The following COLEC11 variants were observed in gnomAD, a reference collection of about 807,000 sequenced individuals.
COLEC11 encodes the protein collectin subfamily member 11.
Under a neutral mutation model 27.3 loss-of-function variants are expected in COLEC11, and 20 were observed. That is an observed-to-expected ratio of 0.73 (90% confidence interval 0.51 to 1.06). The LOEUF (loss-of-function observed/expected upper bound fraction) is 1.06, where lower values mean the gene tolerates loss of function less well. Among genes scored for constraint, COLEC11 ranks in the 50% least tolerant of loss-of-function variants. COLEC11 has a pLI of 0.00. For synonymous variants in COLEC11, 163 were observed against 154.7 expected, an observed-to-expected ratio of 1.05 and a Z score of -0.40; for missense variants, 310 against 383.0, an observed-to-expected ratio of 0.81 and a Z score of 1.59.
intron 2 of COLEC11, chr2:3,605,817 C>T (rs546798436): frequency 4.1e-5 from 15 of 361,698 alleles, no homozygotes; most frequent in Non-Finnish European, 7.2e-5. Flanking sequence ...AAGGTCAGCC[C>T]TCTCCCGGGG....
At position 3,644,160 on chromosome 2, in the gene COLEC11, T is replaced by C; in HGVS notation, c.*42T>C. The C allele has an allele frequency of 3.1e-6, 5 of 1,600,562 alleles. No individual in the cohort carries two copies. The highest frequency in any genetic ancestry group is 4.2e-6 in the Non-Finnish European group (5 of 1,179,706). On this transcript the variant is annotated 3_prime_UTR_variant, in exon 7 of 7. Coordinates refer to ENST00000349077, the MANE Select transcript of COLEC11 (RefSeq NM_024027.5). The stretch of plus-strand genomic sequence containing the variant: ...GCCCATTGGGGGCCCCACATGTCCC[T>C]GCAGGGTTGGCAGGGACAGAGCCCA...
intron 6 of COLEC11, 61 bp downstream of exon 6, chr2:3,643,600 C>T (rs1666040422): frequency 6.3e-7 from 1 of 1,596,990 alleles, no homozygotes; most frequent in African/African-American, 1.3e-5. Context: ...CCTGAGCCCC[C>T]CGGCAAGGGC....
At chr2:3,610,322 G>A (rs1663089788) in intron 2 of COLEC11, among the ~76,000 whole-genome samples, 1 of 152,214 alleles carries the variant, frequency 6.6e-6, no homozygotes, top group South Asian at 2.1e-4. Context: ...AGCAGTATGA[G>A]AAGAGCTGGC....
chr2:3,626,433 G>A (rs1664560689), intron 3 of COLEC11, among the ~76,000 whole-genome samples: 1 of 151,856 alleles, frequency 6.6e-6, no homozygotes, highest in Admixed American at 6.6e-5. Flanking sequence ...GGGGGGTGGG[G>A]GGTGGGGATC....
intron 3 of COLEC11, among the ~76,000 whole-genome samples, chr2:3,631,786 C>T (rs1337697003): frequency 1.3e-5 from 2 of 152,188 alleles, no homozygotes; most frequent in Non-Finnish European, 2.9e-5. Context: ...GCTTTGCACA[C>T]TCTGGTCTCT....
At chr2:3,629,200 A>G (rs1030597945) in intron 3 of COLEC11, among the ~76,000 whole-genome samples, 1 of 152,234 alleles carries the variant, frequency 6.6e-6, no homozygotes. Flanking sequence ...AGTTGAAATA[A>G]GTCAGCTACA....
At chr2:3,634,797 GAGCACTCTGGC>G (rs1665264305) in intron 3 of COLEC11, among the ~76,000 whole-genome samples, 2 of 151,988 alleles carry the variant, frequency 1.3e-5, no homozygotes, top group African/African-American at 4.8e-5. Context: ...GCAACGCACT[GAGCACTCTGGC>G]AGGGCCCCCT....
intron 1 of COLEC11, among the ~76,000 whole-genome samples, chr2:3,601,559 G>C (rs1662220581): frequency 6.6e-6 from 1 of 152,186 alleles, no homozygotes; most frequent in African/African-American, 2.4e-5. Flanking sequence ...CTTCCAAAGT[G>C]CTGGGATTAC....
chr2:3,641,272 G>A, intron 5 of COLEC11: 1 of 1,304,222 alleles, frequency 7.7e-7, no homozygotes, highest in South Asian at 1.2e-5. Flanking sequence ...AGGAGGAACG[G>A]CTGCTTGGAA....
In COLEC11 at chr2:3,606,010, A is replaced by T. The variant is rs898129088; in HGVS notation, c.130+1540A>T. 3.4e-6 allele frequency: 5 copies of T among 1,479,120 alleles called. No homozygotes were observed. In the Admixed American group the frequency reaches 8.7e-5, roughly 26 times the overall value. The allele number at this position is 1,479,120 out of a possible 1,614,324, so 91.6% of individuals were successfully genotyped here. A position where few individuals can be genotyped will look rare whatever the true frequency, so the allele number is the denominator to read the frequency against. ...TACCTGCTTTAGAAAATGTTTAATTATGTTGGAAGCAACTTAAACTGTTGG... is the reference window on the plus strand; with the variant it reads ...TACCTGCTTTAGAAAATGTTTAATTTTGTTGGAAGCAACTTAAACTGTTGG... On this transcript the variant is annotated intron_variant, in intron 2 of 6. Coordinates refer to ENST00000349077, the MANE Select transcript of COLEC11 (RefSeq NM_024027.5).
At chr2:3,642,310 C>G (rs546393092) in intron 5 of COLEC11, among the ~76,000 whole-genome samples, 1 of 152,140 alleles carries the variant, frequency 6.6e-6, no homozygotes. Flanking sequence ...AGGAGCAGCA[C>G]GCGTGTGGTC....
chr2:3,603,094 C>T (rs1662356499), intron 1 of COLEC11, among the ~76,000 whole-genome samples: 1 of 152,220 alleles, frequency 6.6e-6, no homozygotes, highest in South Asian at 2.1e-4. Context: ...GAAGCATGGC[C>T]TTTGGGATGG....
chr2:3,639,504 C>T (rs1167052437), intron 4 of COLEC11, among the ~76,000 whole-genome samples: 1 of 152,194 alleles, frequency 6.6e-6, no homozygotes, highest in Non-Finnish European at 1.5e-5. Context: ...GAAACTCCTT[C>T]CCTCCTTATG....
intron 2 of COLEC11, among the ~76,000 whole-genome samples, chr2:3,608,888 C>A (rs1434690057): frequency 6.6e-6 from 1 of 152,196 alleles, no homozygotes; most frequent in African/African-American, 2.4e-5. Flanking sequence ...TACTTTTTCT[C>A]GTGACAACCA....
intron 3 of COLEC11, among the ~76,000 whole-genome samples, chr2:3,620,896 G>A (rs910000242): frequency 3.3e-5 from 5 of 152,284 alleles, no homozygotes; most frequent in African/African-American, 1.2e-4. Flanking sequence ...TAGAAGAGAC[G>A]CTTGATATGA....
chr2:3,603,974 T>C, intron 1 of COLEC11: 1 of 565,200 alleles, frequency 1.8e-6, no homozygotes, highest in Non-Finnish European at 3.2e-6. Flanking sequence ...TGGCTGGCTA[T>C]GCTGTGTGGA....
chr2:3,637,962 C>T (rs577610625), intron 4 of COLEC11, among the ~76,000 whole-genome samples: 3 of 152,330 alleles, frequency 2.0e-5, no homozygotes, highest in Non-Finnish European at 4.4e-5. Flanking sequence ...ACGCACCCTG[C>T]TCTGGAGGCA....
At chr2:3,631,789 T>C (rs1665024037) in intron 3 of COLEC11, among the ~76,000 whole-genome samples, 2 of 151,742 alleles carry the variant, frequency 1.3e-5, no homozygotes, top group Admixed American at 6.6e-5. Context: ...TTGCACACTC[T>C]GGTCTCTTGG....
At chr2:3,626,180 C>T (rs1664539430) in intron 3 of COLEC11, 2 of 1,108,794 alleles carry the variant, frequency 1.8e-6, no homozygotes, top group Non-Finnish European at 1.4e-6. Context: ...GGCCACATGG[C>T]TTGGACAGAA....
Sources: allele counts gnomAD v4.1 joint callset (sites outside exome capture counted in the v4.1 genomes callset), GRCh38; gene constraint gnomAD v4.1.1; transcripts MANE v1.5; gene names NCBI Gene and HGNC (gene_info 2026-07-23, HGNC 2026-07-21).